Variants in PNPLA8 observed in about 807,000 individuals in gnomAD.
PNPLA8 encodes calcium-independent phospholipase A2-gamma.
Under a neutral mutation model 76.9 loss-of-function variants are expected in PNPLA8, and 39 were observed. The ratio of observed to expected loss-of-function variants is 0.51; its 90% CI spans 0.39 to 0.66. The LOEUF (loss-of-function observed/expected upper bound fraction) is 0.66, where lower values mean the gene tolerates loss of function less well. Among genes scored for constraint, PNPLA8 ranks in the 30% least tolerant of loss-of-function variants. The probability of loss-of-function intolerance (pLI) is 0.00; values close to 1 mark genes in which losing one functional copy is unlikely to be tolerated. For synonymous variants in PNPLA8, 301 were observed against 307.9 expected (o/e 0.98, Z 0.24); for missense variants, 887 against 918.0 (o/e 0.97, Z 0.44).
intron 8 of PNPLA8, among the ~76,000 whole-genome samples, chr7:108,491,027 G>A (rs764208243): frequency 9.9e-5 from 15 of 151,894 alleles, no homozygotes; most frequent in African/African-American, 1.5e-4. Context: ...CCTCAGGGCC[G>A]GGCACGATGG....
chr7:108,501,933 A>C (rs1861979106), intron 5 of PNPLA8, among the ~76,000 whole-genome samples: 1 of 152,222 alleles, frequency 6.6e-6, no homozygotes, highest in Non-Finnish European at 1.5e-5. Flanking sequence ...AAAAAGGCCA[A>C]ATATAAAAAT....
intron 4 of PNPLA8, chr7:108,510,741 A>G (rs1242085097): frequency 9.4e-6 from 15 of 1,601,376 alleles, no homozygotes; most frequent in African/African-American, 4.0e-5. Flanking sequence ...GCTTTGACAG[A>G]TAACGCTTTG....
chr7:108,505,352 A>ATTTTTT (rs1164840586), intron 4 of PNPLA8, among the ~76,000 whole-genome samples: 1 of 13,896 alleles, frequency 7.2e-5, no homozygotes, highest in African/African-American at 4.6e-4. Context: ...ATATATATAT[A>ATTTTTT]TTTTTTTTTT....
chr7:108,475,151 G>T (rs1212296252), intron 10 of PNPLA8, among the ~76,000 whole-genome samples: 1 of 152,090 alleles, frequency 6.6e-6, no homozygotes, highest in Non-Finnish European at 1.5e-5. Context: ...ATCTGTCACT[G>T]TCTCCCATCA....
Position 108,514,635 on chromosome 7 carries a change from C to G in PNPLA8, c.857G>C (p.Ser286Thr). ...GGGACGAGAAAGAAAGTTAGCAATA[C>G]TTTGTTTAGTTGAAACTTGAAGAAC... ...PDVLQVSTKQ[S>T]IANFLSRPTE... The change falls in exon 3 of 11, where the codon AGT becomes ACT. Residue 286 changes from serine (S) to threonine (T), a missense_variant. By Grantham distance (58) the Ser-to-Thr change is moderately conservative. Coordinates refer to ENST00000257694, the MANE Select transcript of PNPLA8 (RefSeq NM_001256007.3). 6.2e-7 allele frequency: 1 copy of G among 1,614,000 alleles called. No homozygotes were observed. The highest frequency in any genetic ancestry group is 8.5e-7 in the Non-Finnish European group (1 of 1,179,914).
intron 9 of PNPLA8, among the ~76,000 whole-genome samples, chr7:108,484,724 A>C (rs1860624621): frequency 1.3e-5 from 2 of 152,186 alleles, no homozygotes; most frequent in African/African-American, 4.8e-5. Flanking sequence ...AATCCTGTAC[A>C]TATATTGATG....
chr7:108,528,007 C>T (rs1252059423), upstream of PNPLA8: 5 of 152,224 alleles, frequency 3.3e-5, no homozygotes, highest in Admixed American at 3.3e-4. Flanking sequence ...CGCCCAATTC[C>T]TGCTTCTCCA....
At chr7:108,493,068 A>C (rs1456224669) in intron 7 of PNPLA8, among the ~76,000 whole-genome samples, 1 of 152,186 alleles carries the variant, frequency 6.6e-6, no homozygotes, top group African/African-American at 2.4e-5. Flanking sequence ...GAACAGAAGA[A>C]ACACCCAGTC....
chr7:108,496,126 T>C (rs1016282061), intron 7 of PNPLA8, among the ~76,000 whole-genome samples: 1 of 152,100 alleles, frequency 6.6e-6, no homozygotes, highest in African/African-American at 2.4e-5. Flanking sequence ...TCCCAGCTAC[T>C]TGGGAGGCTG....
At chr7:108,496,852 G>T in intron 6 of PNPLA8, 97 bp from the exon 7 acceptor site, 3 of 931,520 alleles carry the variant, frequency 3.2e-6, no homozygotes, top group Non-Finnish European at 4.8e-6. Context: ...TTTTAGCGTT[G>T]ATACTTTCTA....
chr7:108,477,066 T>C (rs1326659483), intron 10 of PNPLA8, among the ~76,000 whole-genome samples: 3 of 152,222 alleles, frequency 2.0e-5, no homozygotes, highest in African/African-American at 7.2e-5. Flanking sequence ...TACAGCATGG[T>C]AACTATAGTT....
intron 9 of PNPLA8, among the ~76,000 whole-genome samples, chr7:108,485,014 A>T (rs1410855460): frequency 1.3e-5 from 2 of 152,178 alleles, no homozygotes; most frequent in African/African-American, 4.8e-5. Flanking sequence ...TTAAATAAAA[A>T]TTTCATAATT....
chr7:108,476,777 T>C (rs1042541558), intron 10 of PNPLA8, among the ~76,000 whole-genome samples: 3 of 152,098 alleles, frequency 2.0e-5, no homozygotes, highest in African/African-American at 4.8e-5. Context: ...TTACAGTATA[T>C]ACACACACAC....
intron 1 of PNPLA8, among the ~76,000 whole-genome samples, chr7:108,525,054 G>A (rs891811137): frequency 6.6e-6 from 1 of 152,092 alleles, no homozygotes; most frequent in African/African-American, 2.4e-5. Flanking sequence ...GCGTTTACAA[G>A]ATTTTAATTT....
rs1362257525 is a variant in PNPLA8, at chr7:108,505,338, ATATATATATATATATTTTTTTTTTTTT to A, written c.1207-2723_1207-2697del. On this transcript the variant is annotated intron_variant, in intron 4 of 10. Transcript: ENST00000257694. ...TATATATATATATATATATATATAT[ATATATATATATATATTTTTTTTTTTTT>A]TTTTTTTTTTTTTTTTGAGACGGAG... 3.2e-3 allele frequency among the ~76,000 whole-genome samples: 17 copies of A among 5,246 alleles called. 1 individual carries two copies. The South Asian group carries it at 0.067, about 21-fold the overall frequency. 3.4% of individuals were successfully genotyped at this position (5,246 alleles called of 152,430 possible).
intron 4 of PNPLA8, among the ~76,000 whole-genome samples, chr7:108,512,268 T>C (rs1480510368): frequency 6.6e-6 from 1 of 152,242 alleles, no homozygotes; most frequent in African/African-American, 2.4e-5. Flanking sequence ...TAAACTCTAA[T>C]ACATTACAGT....
chr7:108,495,694 A>G (rs1362347833), intron 7 of PNPLA8, among the ~76,000 whole-genome samples: 5 of 152,200 alleles, frequency 3.3e-5, no homozygotes, highest in Non-Finnish European at 7.4e-5. Flanking sequence ...AAAGTTTTCT[A>G]TGACAGCATT....
At chr7:108,474,911 CA>C (rs927743743) in intron 10 of PNPLA8, among the ~76,000 whole-genome samples, 3 of 152,154 alleles carry the variant, frequency 2.0e-5, no homozygotes, top group African/African-American at 7.2e-5. Flanking sequence ...TATTCTAGGT[CA>C]GGGGTCCCCA....
At chr7:108,523,337 C>T (rs528333936) in intron 1 of PNPLA8, among the ~76,000 whole-genome samples, 1 of 152,138 alleles carries the variant, frequency 6.6e-6, no homozygotes, top group Non-Finnish European at 1.5e-5. Flanking sequence ...TGGTGGCCAT[C>T]GAGCAGACCA....
Sources: gnomAD v4.1 joint callset for allele counts (sites outside exome capture counted in the v4.1 genomes callset) on GRCh38, gnomAD v4.1.1 for gene constraint, MANE v1.5 for transcripts, NCBI Gene and HGNC (gene_info 2026-07-23, HGNC 2026-07-21) for gene names.